COG3: variants seen among roughly 807,000 people sequenced by gnomAD.
COG3 encodes conserved oligomeric Golgi complex subunit 3.
Under a neutral mutation model 114.1 loss-of-function variants are expected in COG3, and 32 were observed. The observed-to-expected ratio is 0.28, with a 90% CI of 0.21 to 0.38. The LOEUF is 0.38. Among genes scored for constraint, COG3 ranks in the 10% least tolerant of loss-of-function variants. The pLI is 1.00. For synonymous variants in COG3, 352 were observed against 365.7 expected, an observed-to-expected ratio of 0.96 and a Z score of 0.43; for missense variants, 813 against 973.2, an observed-to-expected ratio of 0.84 and a Z score of 2.19.
At chr13:45,512,030 G>A (rs973395193) in intron 16 of COG3, 176 bp downstream of exon 16, 7 of 585,542 alleles carry the variant, frequency 1.2e-5, no homozygotes, top group African/African-American at 1.9e-5. Context: ...AATAAAGACT[G>A]TACTATATAA....
At chr13:45,531,047 G>A in intron 22 of COG3, 1 of 1,045,474 alleles carries the variant, frequency 9.6e-7, no homozygotes. Context: ...TGACCTGTTT[G>A]TAAAAGACTC....
At chr13:45,475,035 A>C (rs967893313) in intron 1 of COG3, among the ~76,000 whole-genome samples, 1 of 152,190 alleles carries the variant, frequency 6.6e-6, no homozygotes, top group African/African-American at 2.4e-5. Flanking sequence ...TGTCAAAGTG[A>C]GACCTTGTCT....
intron 13 of COG3, 39 bp downstream of exon 13, chr13:45,496,351 C>CA: frequency 7.0e-7 from 1 of 1,422,472 alleles, no homozygotes; most frequent in Non-Finnish European, 9.3e-7. Context: ...TGCCCCCACA[C>CA]AGCTTTTAGA....
rs1191300979 is a variant in COG3, at chr13:45,530,793, C to T, written c.2457+13C>T. 6.2e-7 allele frequency: 1 copy of T among 1,604,896 alleles called. No homozygotes were observed. Among genetic ancestry groups the T allele is most frequent in the Admixed American group, 1.7e-5 (1 of 59,924 alleles). On this transcript the variant is annotated intron_variant, in intron 22 of 22. Transcript: ENST00000349995. ...ATCTATGGAACAGGTAATGGGTAGA[C>T]TGAAGATCCTTATTACTTTTATGCC... is the stretch of plus-strand genomic sequence containing the variant.
intron 14 of COG3, among the ~76,000 whole-genome samples, chr13:45,507,774 GA>G (rs34309121): frequency 0.71 from 98,750 of 138,262 alleles, 36,228 homozygotes; most frequent in Middle Eastern, 0.83. Flanking sequence ...CAGAAAAAAA[GA>G]AAAAAAAAAA....
chr13:45,499,356 C>G (rs1183677605), intron 13 of COG3, among the ~76,000 whole-genome samples: 3 of 152,126 alleles, frequency 2.0e-5, no homozygotes, highest in Non-Finnish European at 1.5e-5. Flanking sequence ...TACTTTTGTT[C>G]TTAGAATATA....
At chr13:45,533,168 G>A (rs961066849) in intron 22 of COG3, among the ~76,000 whole-genome samples, 2 of 151,668 alleles carry the variant, frequency 1.3e-5, no homozygotes, top group East Asian at 1.9e-4. Context: ...AGACAGGCTC[G>A]GGTGAGTTTA....
intron 6 of COG3, among the ~76,000 whole-genome samples, 167 bp downstream of exon 6, chr13:45,482,640 A>G (rs1886321227): frequency 6.6e-6 from 1 of 152,182 alleles, no homozygotes; most frequent in South Asian, 2.1e-4. Flanking sequence ...ATGTATTTGT[A>G]ACATATTAAA....
intron 12 of COG3, chr13:45,494,060 C>T (rs1045446859): frequency 2.0e-5 from 3 of 152,362 alleles, no homozygotes; most frequent in African/African-American, 7.2e-5. Flanking sequence ...CATGGTGGCT[C>T]ATGCCTGTAA....
At chr13:45,504,922 C>T (rs1429656125) in intron 14 of COG3, among the ~76,000 whole-genome samples, 5 of 152,130 alleles carry the variant, frequency 3.3e-5, no homozygotes, top group Non-Finnish European at 7.4e-5. Flanking sequence ...TGCAGTGGGT[C>T]ACGCCTGTAA....
At chr13:45,477,492 A>G (rs960718132) in intron 2 of COG3, among the ~76,000 whole-genome samples, 1 of 152,242 alleles carries the variant, frequency 6.6e-6, no homozygotes, top group Non-Finnish European at 1.5e-5. Context: ...TAATTGAGAT[A>G]TAAAACATTT....
intron 14 of COG3, among the ~76,000 whole-genome samples, chr13:45,508,685 C>T (rs972796268): frequency 4.6e-5 from 7 of 152,040 alleles, no homozygotes; most frequent in Non-Finnish European, 8.8e-5. Flanking sequence ...AGTATTATAC[C>T]AGCTCCACTT....
chr13:45,473,112 T>C (rs972518995), intron 1 of COG3, among the ~76,000 whole-genome samples: 1 of 152,060 alleles, frequency 6.6e-6, no homozygotes, highest in Non-Finnish European at 1.5e-5. Flanking sequence ...CTCGTGATCC[T>C]CCCACCTCAG....
At chr13:45,518,144 T>C (rs1463503318) in intron 17 of COG3, among the ~76,000 whole-genome samples, 1 of 152,210 alleles carries the variant, frequency 6.6e-6, no homozygotes, top group Non-Finnish European at 1.5e-5. Context: ...ATGCTTTGCT[T>C]TATCTGGTCT....
At chr13:45,483,156 C>T in intron 6 of COG3, 74 bp from the exon 7 acceptor site, 1 of 1,137,632 alleles carries the variant, frequency 8.8e-7, no homozygotes, top group Non-Finnish European at 1.3e-6. Flanking sequence ...ATAGGGACAC[C>T]TTGGTTTTCA....
Position 45,516,852 on chromosome 13 carries a change from A to G in COG3, c.1930+589A>G, listed in dbSNP as rs1349353560. Among the ~76,000 whole-genome samples, 3 of 152,196 alleles carry G rather than the reference A, an allele frequency of 2.0e-5. No individual in the cohort carries two copies. In the East Asian group the frequency reaches 5.8e-4, roughly 29 times the overall value. On this transcript the variant is annotated intron_variant, in intron 17 of 22. Transcript: ENST00000349995. Reference sequence around the variant, plus strand: ...ATTAAGACCGAAAAGGAATGAAAATATATGTTAACATCTTCATAAATTTCA... The same window carrying G: ...ATTAAGACCGAAAAGGAATGAAAATGTATGTTAACATCTTCATAAATTTCA...
intron 19 of COG3, among the ~76,000 whole-genome samples, chr13:45,519,456 C>T (rs952648802): frequency 6.6e-6 from 1 of 152,136 alleles, no homozygotes; most frequent in Non-Finnish European, 1.5e-5. Flanking sequence ...ATCAGGGTTT[C>T]CTATTCTTAA....
intron 19 of COG3, among the ~76,000 whole-genome samples, chr13:45,519,420 G>T (rs1871875112): frequency 6.6e-6 from 1 of 152,172 alleles, no homozygotes; most frequent in African/African-American, 2.4e-5. Context: ...TCCTGGACCT[G>T]CATGGCAGCA....
chr13:45,471,795 C>T (rs1339202139), intron 1 of COG3, among the ~76,000 whole-genome samples: 6 of 151,848 alleles, frequency 4.0e-5, no homozygotes, highest in African/African-American at 9.7e-5. Context: ...TGCAATGGCG[C>T]GATCTCGGCT....
Sources: allele counts gnomAD v4.1 joint callset (sites outside exome capture counted in the v4.1 genomes callset), GRCh38; gene constraint gnomAD v4.1.1; transcripts MANE v1.5; gene names NCBI Gene and HGNC (gene_info 2026-07-23, HGNC 2026-07-21).